The following CTNNBL1 variants were observed in gnomAD, a reference collection of about 807,000 sequenced individuals.
The protein encoded by CTNNBL1 is beta-catenin-like protein 1.
Under a neutral mutation model 72.7 loss-of-function variants are expected in CTNNBL1, and 31 were observed. The ratio of observed to expected loss-of-function variants is 0.43; its 90% CI spans 0.32 to 0.58. The LOEUF (loss-of-function observed/expected upper bound fraction) is 0.58. CTNNBL1 is among the 20% of genes least tolerant of loss of function. CTNNBL1 has a pLI of 0.08. For missense variants in CTNNBL1, 534 were observed against 725.1 expected (o/e 0.74, Z 3.03); for synonymous variants, 240 against 267.3 (o/e 0.90, Z 1.00).
At chr20:37,848,085 G>C (rs1241815342) in intron 13 of CTNNBL1, among the ~76,000 whole-genome samples, 1 of 151,718 alleles carries the variant, frequency 6.6e-6, no homozygotes, top group Non-Finnish European at 1.5e-5. Context: ...GGAAGATTCT[G>C]GGGCAAGCTT....
At chr20:37,867,047 TA>T (rs2072542328) in intron 15 of CTNNBL1, among the ~76,000 whole-genome samples, 1 of 152,186 alleles carries the variant, frequency 6.6e-6, no homozygotes, top group South Asian at 2.1e-4. Context: ...TCTTTCTCTG[TA>T]AGTGGGTTTC....
At chr20:37,828,657 G>A (rs1251408348) in intron 11 of CTNNBL1, among the ~76,000 whole-genome samples, 1 of 152,200 alleles carries the variant, frequency 6.6e-6, no homozygotes, top group Non-Finnish European at 1.5e-5. Context: ...TGGCCTCTTG[G>A]AGTTCCTGGC....
intron 7 of CTNNBL1, among the ~76,000 whole-genome samples, chr20:37,776,853 T>A (rs573952161): frequency 3.3e-4 from 50 of 152,314 alleles, no homozygotes; most frequent in African/African-American, 1.2e-3. Context: ...CAAATTAAAT[T>A]TTAAGCATTA....
intron 1 of CTNNBL1, among the ~76,000 whole-genome samples, chr20:37,711,046 T>C (rs933481708): frequency 6.6e-6 from 1 of 152,216 alleles, no homozygotes; most frequent in African/African-American, 2.4e-5. Flanking sequence ...AGCTGCCATA[T>C]ACAGTGTGCC....
chr20:37,786,485 GGAGGGCATCTTTTTTTA>G (rs1339298717), intron 10 of CTNNBL1, among the ~76,000 whole-genome samples: 3 of 151,826 alleles, frequency 2.0e-5, no homozygotes, highest in Non-Finnish European at 4.4e-5. Context: ...TGTTTTTTTT[GGAGGGCATCTTTTTTTA>G]GAGAACCAAC....
At chr20:37,840,546 C>T (rs762522832) in intron 12 of CTNNBL1, among the ~76,000 whole-genome samples, 62 of 152,332 alleles carry the variant, frequency 4.1e-4, no homozygotes, top group Non-Finnish European at 6.9e-4. Context: ...AGATTTGAAC[C>T]TGTTTTCGCT....
At chr20:37,768,869 C>G (rs1373320950) in intron 7 of CTNNBL1, among the ~76,000 whole-genome samples, 2 of 152,100 alleles carry the variant, frequency 1.3e-5, no homozygotes, top group Non-Finnish European at 2.9e-5. Flanking sequence ...ACCTCTGCCT[C>G]CCGGGTTAAG....
At chr20:37,799,012 C>CA (rs990107884) in intron 10 of CTNNBL1, among the ~76,000 whole-genome samples, 5 of 152,174 alleles carry the variant, frequency 3.3e-5, no homozygotes, top group African/African-American at 9.7e-5. Context: ...CATCTTAATA[C>CA]AAAAAATCCC....
rs367697969 is a variant in CTNNBL1 at position 37,806,020 on chromosome 20, T to C, written c.1213+2972T>C. Reference sequence around the variant, plus strand: ...TCAATACAGTTGATTTCAGTTCAGATTGATGGTTGTCAGTCAGTCATACAC... The same window carrying C: ...TCAATACAGTTGATTTCAGTTCAGACTGATGGTTGTCAGTCAGTCATACAC... On this transcript the variant is annotated intron_variant, in intron 11 of 15. Transcript: ENST00000361383. Among the ~76,000 whole-genome samples, 5 of 152,344 alleles carry C rather than the reference T, an allele frequency of 3.3e-5. No homozygotes were observed. In the East Asian group the frequency reaches 5.8e-4, roughly 18 times the overall value.
chr20:37,777,152 A>G (rs1434196351), intron 7 of CTNNBL1, 193 bp from the exon 8 acceptor site: 3 of 539,520 alleles, frequency 5.6e-6, no homozygotes, highest in Admixed American at 6.2e-5. Context: ...TGTGAGAGCC[A>G]TTGTTTCAAT....
chr20:37,829,301 C>T (rs966631744), intron 11 of CTNNBL1, among the ~76,000 whole-genome samples: 3 of 152,182 alleles, frequency 2.0e-5, no homozygotes, highest in Admixed American at 6.5e-5. Context: ...CAAGATCTTG[C>T]CAAGATATGG....
Position 37,753,373 on chromosome 20 carries a change from A to G in CTNNBL1, c.467-4186A>G, listed in dbSNP as rs555304475. On this transcript the variant is annotated intron_variant, in intron 4 of 15. Coordinates refer to ENST00000361383, the MANE Select transcript of CTNNBL1 (RefSeq NM_030877.5). ...CTGGAAAAGCCATTTATGCTCTTCT[A>G]TAAAATCACTTTTGTCTAAAATGTT... Among the ~76,000 whole-genome samples the G allele has an allele frequency of 1.7e-3, 253 of 152,352 alleles. 1 individual carries two copies. Among genetic ancestry groups the G allele is most frequent in the African/African-American group, 5.7e-3 (239 of 41,576 alleles).
At chr20:37,802,840 C>T in intron 10 of CTNNBL1, 27 bp from the exon 11 acceptor site, 6 of 1,563,416 alleles carry the variant, frequency 3.8e-6, no homozygotes, top group South Asian at 1.2e-5. Context: ...CATGAAATAC[C>T]TTATCTGAAA....
intron 10 of CTNNBL1, among the ~76,000 whole-genome samples, chr20:37,800,679 A>G (rs1003279459): frequency 6.6e-6 from 1 of 152,230 alleles, no homozygotes; most frequent in Admixed American, 6.5e-5. Flanking sequence ...ACTTTAATGT[A>G]ACACATGGCA....
At chr20:37,848,808 G>A (rs2072369371) in intron 13 of CTNNBL1, among the ~76,000 whole-genome samples, 1 of 152,104 alleles carries the variant, frequency 6.6e-6, no homozygotes, top group South Asian at 2.1e-4. Context: ...CCCCTACCAA[G>A]CTCATAGGCT....
intron 1 of CTNNBL1, among the ~76,000 whole-genome samples, chr20:37,706,499 T>TA (rs2072886643): frequency 6.6e-6 from 1 of 152,252 alleles, no homozygotes; most frequent in South Asian, 2.1e-4. Context: ...TGCTTATCCT[T>TA]AGGAAACATT....
chr20:37,763,354 A>G (rs746357180), intron 5 of CTNNBL1, among the ~76,000 whole-genome samples: 33 of 152,122 alleles, frequency 2.2e-4, no homozygotes, highest in Non-Finnish European at 3.5e-4. Flanking sequence ...ACAAGATGGG[A>G]AAACAGCACT....
At chr20:37,802,803 T>C in intron 10 of CTNNBL1, 64 bp from the exon 11 acceptor site, 1 of 1,386,230 alleles carries the variant, frequency 7.2e-7, no homozygotes, top group East Asian at 2.3e-5. Flanking sequence ...AAATACCCTT[T>C]TTTTTTTTTA....
At position 37,737,437 on chromosome 20, in the gene CTNNBL1, A is replaced by T; in HGVS notation, c.279A>T (p.Ser93=). 1 of 1,613,748 alleles carries T rather than the reference A, an allele frequency of 6.2e-7. No homozygotes were observed. Among genetic ancestry groups the T allele is most frequent in the Non-Finnish European group, 8.5e-7 (1 of 1,179,770 alleles). Residue 93 remains serine, a synonymous_variant, in exon 3 of 16, where the codon TCA becomes TCT. Coordinates refer to ENST00000361383, the MANE Select transcript of CTNNBL1 (RefSeq NM_030877.5). ...KKMILTFEKR[S]YKNQELRIKF... ...TGATCCTCACATTTGAAAAGAGATC[A>T]TATAAAAACCAAGAATTGCGGATTA...
Sources: allele counts gnomAD v4.1 joint callset (sites outside exome capture counted in the v4.1 genomes callset), GRCh38; gene constraint gnomAD v4.1.1; transcripts MANE v1.5; gene names NCBI Gene and HGNC (gene_info 2026-07-23, HGNC 2026-07-21).